Variants in HIBADH observed in about 807,000 individuals in gnomAD.
HIBADH encodes 3-hydroxyisobutyrate dehydrogenase, mitochondrial.
Under a neutral mutation model 36.1 loss-of-function variants are expected in HIBADH, and 25 were observed. The observed-to-expected ratio is 0.69, with a 90% CI of 0.50 to 0.97. HIBADH has a LOEUF of 0.97. Ranked by LOEUF, HIBADH falls within the 50% of genes least tolerant of loss-of-function variation. The probability of loss-of-function intolerance (pLI) is 0.00; values close to 1 mark genes in which losing one functional copy is unlikely to be tolerated. For synonymous variants in HIBADH, 160 were observed against 149.5 expected, an observed-to-expected ratio of 1.07 and a Z score of -0.51; for missense variants, 421 against 418.0, an observed-to-expected ratio of 1.01 and a Z score of -0.06.
chr7:27,592,904 T>C (rs969858127), intron 4 of HIBADH, among the ~76,000 whole-genome samples: 1 of 152,168 alleles, frequency 6.6e-6, no homozygotes, highest in African/African-American at 2.4e-5. Flanking sequence ...CTCTTCAGCC[T>C]CATCCAACAC....
chr7:27,599,777 G>GT (rs199653210), intron 4 of HIBADH, among the ~76,000 whole-genome samples: 22 of 147,470 alleles, frequency 1.5e-4, no homozygotes, highest in Middle Eastern at 3.6e-3. Flanking sequence ...AAAACATTCA[G>GT]TTTTTTTTTA....
At chr7:27,579,026 G>C (rs1784753792) in intron 4 of HIBADH, among the ~76,000 whole-genome samples, 1 of 152,132 alleles carries the variant, frequency 6.6e-6, no homozygotes, top group South Asian at 2.1e-4. Flanking sequence ...TAAAGGGAGG[G>C]CATGGGAACT....
At position 27,609,401 on chromosome 7, in the gene HIBADH, C is replaced by T. The variant is rs112855808; in HGVS notation, c.484+19970G>A. Among the ~76,000 whole-genome samples the T allele has an allele frequency of 9.5e-3, 1,448 of 152,206 alleles. 14 individuals are homozygous for T. The highest frequency in any genetic ancestry group is 0.014 in the Non-Finnish European group (953 of 68,012). On this transcript the variant is annotated intron_variant, in intron 4 of 7. Coordinates refer to ENST00000265395, the MANE Select transcript of HIBADH (RefSeq NM_152740.4). ...TCTTCAGGACTAATTTCAAAGAAAC[C>T]CTTGGAATTTATTTACCAAACATTT...
intron 4 of HIBADH, among the ~76,000 whole-genome samples, chr7:27,579,135 T>G (rs1784755575): frequency 6.6e-6 from 1 of 152,208 alleles, no homozygotes; most frequent in South Asian, 2.1e-4. Context: ...ATCCAGTTAT[T>G]TGGGGGACAA....
At chr7:27,658,770 A>G (rs1276309693) in intron 1 of HIBADH, among the ~76,000 whole-genome samples, 2 of 152,186 alleles carry the variant, frequency 1.3e-5, no homozygotes, top group African/African-American at 4.8e-5. Flanking sequence ...ATGTATGTCT[A>G]TTTTATCACA....
chr7:27,634,873 T>A (rs1250477775), intron 2 of HIBADH, among the ~76,000 whole-genome samples: 1 of 152,170 alleles, frequency 6.6e-6, no homozygotes, highest in African/African-American at 2.4e-5. Context: ...GGGTGGCCAA[T>A]CAGCCCCCTG....
At chr7:27,566,810 A>T (rs1784554471) in intron 4 of HIBADH, among the ~76,000 whole-genome samples, 1 of 152,154 alleles carries the variant, frequency 6.6e-6, no homozygotes, top group Admixed American at 6.5e-5. Context: ...TTACTTAGGA[A>T]TGTGTTATTC....
At chr7:27,568,327 G>A (rs1330370921) in intron 4 of HIBADH, among the ~76,000 whole-genome samples, 4 of 152,048 alleles carry the variant, frequency 2.6e-5, no homozygotes, top group Non-Finnish European at 5.9e-5. Context: ...TCTGGTTTCA[G>A]TGCTTCAAAA....
intron 4 of HIBADH, among the ~76,000 whole-genome samples, chr7:27,612,347 A>G (rs1009457330): frequency 3.4e-5 from 5 of 147,242 alleles, no homozygotes; most frequent in African/African-American, 1.3e-4. Flanking sequence ...TTTTTTTGAG[A>G]AAAGTCTTGC....
chr7:27,606,681 G>T (rs1785234584), intron 4 of HIBADH, among the ~76,000 whole-genome samples: 1 of 152,120 alleles, frequency 6.6e-6, no homozygotes, highest in South Asian at 2.1e-4. Flanking sequence ...GCCCCATATG[G>T]GTAGCAGTCA....
At chr7:27,633,002 C>G (rs1329049045) in intron 2 of HIBADH, among the ~76,000 whole-genome samples, 1 of 151,790 alleles carries the variant, frequency 6.6e-6, no homozygotes, top group African/African-American at 2.4e-5. Flanking sequence ...AAGGTCAGGA[C>G]AAGGACATAA....
chr7:27,570,508 A>G (rs1184012649), intron 4 of HIBADH, among the ~76,000 whole-genome samples: 1 of 152,172 alleles, frequency 6.6e-6, no homozygotes, highest in Non-Finnish European at 1.5e-5. Flanking sequence ...ATCAGAAAGC[A>G]AATCAGTGTT....
intron 5 of HIBADH, among the ~76,000 whole-genome samples, chr7:27,542,302 C>T (rs1784162574): frequency 6.6e-6 from 1 of 151,970 alleles, no homozygotes; most frequent in African/African-American, 2.4e-5. Flanking sequence ...CAAGGGTCAA[C>T]TGTAATTACA....
chr7:27,594,737 A>G (rs1192101901), intron 4 of HIBADH, among the ~76,000 whole-genome samples: 1 of 152,178 alleles, frequency 6.6e-6, no homozygotes, highest in African/African-American at 2.4e-5. Context: ...AAAGCAACGG[A>G]AAGTTGTCCT....
At chr7:27,655,179 G>A (rs1004289757) in intron 1 of HIBADH, among the ~76,000 whole-genome samples, 2 of 152,110 alleles carry the variant, frequency 1.3e-5, no homozygotes, top group African/African-American at 4.8e-5. Context: ...TAGATCAAAT[G>A]TAAAGTGTGA....
chr7:27,636,691 A>C (rs1300884711), intron 2 of HIBADH, among the ~76,000 whole-genome samples: 2 of 152,256 alleles, frequency 1.3e-5, no homozygotes, highest in Non-Finnish European at 2.9e-5. Flanking sequence ...AGTGGTGCAT[A>C]CATCCCAGAC....
intron 4 of HIBADH, among the ~76,000 whole-genome samples, chr7:27,584,923 G>C (rs1784837007): frequency 6.6e-6 from 1 of 151,740 alleles, no homozygotes; most frequent in Non-Finnish European, 1.5e-5. Context: ...TCACTTTATG[G>C]CCTCCTAGGG....
chr7:27,575,098 T>TTTAC (rs1784688514), intron 4 of HIBADH, among the ~76,000 whole-genome samples: 1 of 152,194 alleles, frequency 6.6e-6, no homozygotes, highest in African/African-American at 2.4e-5. Context: ...ATAAAATTAT[T>TTTAC]TTACTTTTCC....
rs939309438 is a variant in HIBADH at position 27,537,643 on chromosome 7, A to AC, written c.695+697dup. ...TGATTAATCATATGTAGCATTACTA[A>AC]CCCAAAAGATTAAAGGCTAAAATTA... On this transcript the variant is annotated intron_variant, in intron 6 of 7. Coordinates refer to ENST00000265395, the MANE Select transcript of HIBADH (RefSeq NM_152740.4). Among the ~76,000 whole-genome samples, 145 of 152,272 alleles carry AC rather than the reference A, an allele frequency of 9.5e-4. 2 individuals carry two copies. The Middle Eastern group carries it at 0.01, about 11-fold the overall frequency.
Sources: allele counts gnomAD v4.1 joint callset (sites outside exome capture counted in the v4.1 genomes callset), GRCh38; gene constraint gnomAD v4.1.1; transcripts MANE v1.5; gene names NCBI Gene and HGNC (gene_info 2026-07-23, HGNC 2026-07-21).